The following RNF217 variants were observed in gnomAD, a reference collection of about 807,000 sequenced individuals.
The protein encoded by RNF217 is ring finger protein 217, also known as E3 ubiquitin-protein ligase RNF217.
RNF217 carries 31 observed loss-of-function variants against 57.8 expected under a neutral mutation model. The observed-to-expected ratio is 0.54, with a 90% CI of 0.40 to 0.72. RNF217 has a LOEUF of 0.72. RNF217 is among the 30% of genes least tolerant of loss of function. The pLI, the probability that RNF217 is intolerant of heterozygous loss-of-function variation, is 0.00. For missense variants in RNF217, 696 were observed against 708.3 expected, an observed-to-expected ratio of 0.98 and a Z score of 0.20; for synonymous variants, 313 against 294.0, an observed-to-expected ratio of 1.06 and a Z score of -0.66.
At chr6:125,048,168 C>T (rs1308013962) in intron 2 of RNF217, 4 of 1,334,544 alleles carry the variant, frequency 3.0e-6, no homozygotes, top group Admixed American at 2.1e-5. Context: ...AGAGCACTGA[C>T]ATGGATACCC....
intron 2 of RNF217, among the ~76,000 whole-genome samples, chr6:125,051,393 G>A (rs886643971): frequency 7.9e-5 from 12 of 151,534 alleles, no homozygotes; most frequent in African/African-American, 2.9e-4. Context: ...AAAATGGTCT[G>A]GAAGATATTC....
intron 1 of RNF217, among the ~76,000 whole-genome samples, chr6:125,021,605 C>T (rs1455682881): frequency 6.6e-6 from 1 of 151,970 alleles, no homozygotes; most frequent in African/African-American, 2.4e-5. Context: ...AGCAAGTTAC[C>T]AAGTTGAATT....
rs371522406 is a variant in RNF217, at chr6:125,047,617, A to G, written c.1116+2173A>G. 2.8e-4 allele frequency among the ~76,000 whole-genome samples: 42 copies of G among 152,222 alleles called. No homozygotes were observed. In the East Asian group the frequency reaches 5.2e-3, roughly 19 times the overall value. On this transcript the variant is annotated intron_variant, in intron 2 of 5. Coordinates refer to ENST00000521654, the MANE Select transcript of RNF217 (RefSeq NM_001286398.3). ...TTGATTCCTTTTGATTAGTAGAGGA[A>G]AAGAAAATTTGCTTTGGTGTGAGGA...
chr6:125,011,435 C>A (rs1376680656), intron 1 of RNF217, among the ~76,000 whole-genome samples: 5 of 152,210 alleles, frequency 3.3e-5, no homozygotes, highest in East Asian at 1.9e-4. Flanking sequence ...GGGCCAGATA[C>A]GTGTTCAATT....
At chr6:125,013,605 T>C (rs769918196) in intron 1 of RNF217, among the ~76,000 whole-genome samples, 2 of 151,950 alleles carry the variant, frequency 1.3e-5, no homozygotes, top group African/African-American at 2.4e-5. Context: ...TAAAGACTTA[T>C]AGAGTTCGTA....
chr6:125,058,193 T>A, intron 3 of RNF217, 87 bp downstream of exon 3: 1 of 1,179,524 alleles, frequency 8.5e-7, no homozygotes, highest in Non-Finnish European at 1.2e-6. Context: ...GAATTATAAC[T>A]GTCTTAATGC....
intron 1 of RNF217, among the ~76,000 whole-genome samples, chr6:125,029,908 A>G (rs1786275997): frequency 6.6e-6 from 1 of 152,190 alleles, no homozygotes; most frequent in African/African-American, 2.4e-5. Context: ...TACTTGGGAC[A>G]TAGCTGCTTT....
chr6:125,034,542 T>A (rs1786518854), intron 1 of RNF217, among the ~76,000 whole-genome samples: 1 of 152,138 alleles, frequency 6.6e-6, no homozygotes, highest in African/African-American at 2.4e-5. Flanking sequence ...TCTGTTCTGT[T>A]CCATTGATCT....
intron 1 of RNF217, among the ~76,000 whole-genome samples, chr6:125,039,182 A>C (rs1292381986): frequency 6.6e-6 from 1 of 152,104 alleles, no homozygotes; most frequent in African/African-American, 2.4e-5. Context: ...ACATGGCCTC[A>C]TTCCTTTTTA....
chr6:125,039,281 C>T (rs560815931), intron 1 of RNF217, among the ~76,000 whole-genome samples: 15 of 151,360 alleles, frequency 9.9e-5, no homozygotes, highest in African/African-American at 1.9e-4. Context: ...ATACATGTAC[C>T]GAAGCAAGGG....
chr6:125,060,121 G>A (rs1787675566), intron 3 of RNF217, among the ~76,000 whole-genome samples: 1 of 152,030 alleles, frequency 6.6e-6, no homozygotes, highest in Non-Finnish European at 1.5e-5. Context: ...CCTATGAGGA[G>A]ATATTACTGA....
At chr6:125,038,354 T>G (rs936333721) in intron 1 of RNF217, among the ~76,000 whole-genome samples, 1 of 152,190 alleles carries the variant, frequency 6.6e-6, no homozygotes, top group Non-Finnish European at 1.5e-5. Context: ...AAAATTGACA[T>G]TTTTGTAGAT....
Position 124,963,439 on chromosome 6 carries a change from CCTT to C in RNF217, c.882+16_882+18del, listed in dbSNP as rs144043596. 0.024 allele frequency: 35,343 copies of C among 1,447,614 alleles called. 565 individuals are homozygous for C. Among genetic ancestry groups the C allele is most frequent in the Middle Eastern group, 0.055 (306 of 5,542 alleles). 89.7% of individuals were successfully genotyped at this position (1,447,614 alleles called of 1,614,324 possible). Reference sequence around the variant, plus strand: ...CCTGAGCGCCCAGGTAACTTCACCCCCTTCTCTTCCCCATTTATCATTCCAAAT... The same window carrying C: ...CCTGAGCGCCCAGGTAACTTCACCCCCTCTTCCCCATTTATCATTCCAAAT... On this transcript the variant is annotated intron_variant, in intron 1 of 5. Transcript: ENST00000521654.
rs745544408 is a variant in RNF217 at position 125,076,737 on chromosome 6, G to C, written c.1362G>C (p.Glu454Asp). 1.2e-6 allele frequency: 2 copies of C among 1,613,466 alleles called. No homozygotes were observed. The highest frequency in any genetic ancestry group is 2.2e-5 in the East Asian group (1 of 44,866). Residue 454 changes from glutamate to aspartate, a missense_variant, in exon 4 of 6, where the codon GAG (glutamate) becomes GAC (aspartate). Physicochemically the swap from Glu to Asp is conservative, Grantham distance 45. This residue lies in a region of RNF217 where 231 missense variants were observed against 321.4 expected (regional missense o/e 0.72). Coordinates refer to ENST00000521654, the MANE Select transcript of RNF217 (RefSeq NM_001286398.3). ...CTAATTTTTGTTACCGATGTGGTGAGAGATACCGCCAGCTCCGATTTTTTG... is the reference window on the plus strand; with the variant it reads ...CTAATTTTTGTTACCGATGTGGTGACAGATACCGCCAGCTCCGATTTTTTG... Reference protein sequence around the residue: ...CNTNFCYRCGERYRQLRFFGD... With the variant: ...CNTNFCYRCGDRYRQLRFFGD...
At chr6:125,077,861 C>T (rs965636685) in intron 4 of RNF217, among the ~76,000 whole-genome samples, 4 of 152,164 alleles carry the variant, frequency 2.6e-5, no homozygotes, top group Non-Finnish European at 5.9e-5. Context: ...TTGGTCACTT[C>T]ATGACTGTTG....
At chr6:125,070,086 T>C (rs1273334714) in intron 3 of RNF217, among the ~76,000 whole-genome samples, 2 of 152,312 alleles carry the variant, frequency 1.3e-5, no homozygotes, top group Non-Finnish European at 1.5e-5. Context: ...CTCCCACTTA[T>C]AATTGAGACC....
At chr6:124,981,334 A>T (rs1784152500) in intron 1 of RNF217, among the ~76,000 whole-genome samples, 1 of 152,178 alleles carries the variant, frequency 6.6e-6, no homozygotes, top group African/African-American at 2.4e-5. Context: ...GAAGTTAAGG[A>T]TGCACTGTGG....
chr6:125,017,818 A>G (rs188457387), intron 1 of RNF217, among the ~76,000 whole-genome samples: 1 of 152,324 alleles, frequency 6.6e-6, no homozygotes, highest in East Asian at 1.9e-4. Context: ...TTATTCTGAT[A>G]CAAGCATAGC....
At chr6:124,982,464 A>G (rs985151433) in intron 1 of RNF217, among the ~76,000 whole-genome samples, 8 of 152,138 alleles carry the variant, frequency 5.3e-5, no homozygotes, top group Admixed American at 2.6e-4. Context: ...GATATTTTCT[A>G]TAGCAAAAAT....
Sources: allele counts gnomAD v4.1 joint callset (sites outside exome capture counted in the v4.1 genomes callset), GRCh38; gene constraint gnomAD v4.1.1; regional missense constraint gnomAD v4.1.1; transcripts MANE v1.5; gene names NCBI Gene and HGNC (gene_info 2026-07-23, HGNC 2026-07-21).